The following RIGI variants were observed in gnomAD, a reference collection of about 807,000 sequenced individuals.
The protein encoded by RIGI is antiviral innate immune response receptor RIG-I.
chr9:32,506,185 T>G, the RIGI span, among the ~76,000 whole-genome samples: 3 of 152,198 alleles, frequency 2.0e-5, no homozygotes, highest in Non-Finnish European at 4.4e-5. Context: ...GCCACTGCAC[T>G]CCAGCATAGG....
the RIGI span, among the ~76,000 whole-genome samples, chr9:32,499,311 G>GTTTTTTTTTTTTTTTTTTTTT: frequency 1.2e-5 from 1 of 81,122 alleles, no homozygotes; most frequent in South Asian, 4.0e-4. Flanking sequence ...CAGAGTTTGT[G>GTTTTTTTTTTTTTTTTTTTTT]ATTTGTTTTT....
At chr9:32,488,643 T>C in the RIGI span, 1 of 1,313,032 alleles carries the variant, frequency 7.6e-7, no homozygotes, top group Non-Finnish European at 1.0e-6. Context: ...CTAATATAAA[T>C]TTTTTTAAAT....
the RIGI span, chr9:32,485,104 A>G: frequency 3.4e-6 from 4 of 1,182,616 alleles, no homozygotes; most frequent in Non-Finnish European, 3.6e-6. Context: ...AGGAGAACAC[A>G]AAAAGACGAT....
At chr9:32,523,371 G>C in the RIGI span, among the ~76,000 whole-genome samples, 1 of 152,114 alleles carries the variant, frequency 6.6e-6, no homozygotes, top group South Asian at 2.1e-4. Flanking sequence ...ACAATCTGAT[G>C]AACATCTCTT....
the RIGI span, chr9:32,466,170 G>C: frequency 1.0e-6 from 1 of 980,986 alleles, no homozygotes; most frequent in East Asian, 2.5e-5. Flanking sequence ...TATTCACTAA[G>C]TATAAACTTT....
the RIGI span, among the ~76,000 whole-genome samples, chr9:32,465,385 T>C: frequency 6.6e-6 from 1 of 152,224 alleles, no homozygotes; most frequent in Non-Finnish European, 1.5e-5. Context: ...TTATGACTTT[T>C]TAAAATTATA....
the RIGI span, chr9:32,492,506 T>TAA: frequency 6.2e-7 from 1 of 1,614,202 alleles, no homozygotes; most frequent in East Asian, 2.2e-5. Context: ...CCAATTTCTC[T>TAA]GCACCTGCCA....
At chr9:32,502,099 A>G in the RIGI span, among the ~76,000 whole-genome samples, 1 of 152,322 alleles carries the variant, frequency 6.6e-6, no homozygotes, top group Non-Finnish European at 1.5e-5. Flanking sequence ...CACATTTCAT[A>G]TTAATGGAAT....
At chr9:32,526,006 G>A in the RIGI span, 27 of 1,362,870 alleles carry the variant, frequency 2.0e-5, no homozygotes, top group Non-Finnish European at 2.5e-5. Context: ...CGAAGCAAGA[G>A]AAAAACAAGT....
At chr9:32,470,425 G>T in the RIGI span, among the ~76,000 whole-genome samples, 1 of 152,184 alleles carries the variant, frequency 6.6e-6, no homozygotes, top group African/African-American at 2.4e-5. Flanking sequence ...TACATGAATG[G>T]TCATGACTGT....
chr9:32,457,490 A>G, the RIGI span: 1 of 1,254,740 alleles, frequency 8.0e-7, no homozygotes, highest in African/African-American at 1.7e-5. Context: ...ATTTAAAAAA[A>G]AAAAAAAGAA....
the RIGI span, chr9:32,489,540 C>CTG: frequency 5.1e-5 from 34 of 663,418 alleles, no homozygotes; most frequent in Non-Finnish European, 7.2e-5. Context: ...CAAATTCTGA[C>CTG]TCCAGCAAGA....
chr9:32,466,259 G>C, the RIGI span: 3 of 1,609,152 alleles, frequency 1.9e-6, no homozygotes, highest in Admixed American at 1.7e-5. Flanking sequence ...GTTATTTATG[G>C]TCAGATGCTG....
At chr9:32,520,753 C>A in the RIGI span, among the ~76,000 whole-genome samples, 1 of 152,090 alleles carries the variant, frequency 6.6e-6, no homozygotes, top group African/African-American at 2.4e-5. Context: ...ACAGGGTTTT[C>A]TTGGAGCATT....
the RIGI span, among the ~76,000 whole-genome samples, chr9:32,508,114 A>T: frequency 6.6e-6 from 1 of 152,042 alleles, no homozygotes; most frequent in Non-Finnish European, 1.5e-5. Flanking sequence ...CTACAGAAGC[A>T]AGTGGAAAAT....
chr9:32,479,770 G>A, the RIGI span, among the ~76,000 whole-genome samples: 1 of 151,002 alleles, frequency 6.6e-6, no homozygotes, highest in Non-Finnish European at 1.5e-5. Context: ...CCGGGAGGCA[G>A]AGGTTGCAGT....
chr9:32,480,242 T>C, the RIGI span: 7 of 1,608,086 alleles, frequency 4.4e-6, no homozygotes, highest in Non-Finnish European at 4.3e-6. Flanking sequence ...AGTAAGATCT[T>C]GCTCAATCTC....
chr9:32,469,558 TCTATGGTAGACC>T, the RIGI span, among the ~76,000 whole-genome samples: 1 of 152,204 alleles, frequency 6.6e-6, no homozygotes, highest in African/African-American at 2.4e-5. Flanking sequence ...AACTGCGGGT[TCTATGGTAGACC>T]CAATTATCCC....
chr9:32,475,329 T>C, the RIGI span, among the ~76,000 whole-genome samples: 5 of 151,828 alleles, frequency 3.3e-5, no homozygotes, highest in South Asian at 2.1e-4. Context: ...AAAATGTATA[T>C]AGAAAGGCAA....
Sources: gnomAD v4.1 joint callset for allele counts (sites outside exome capture counted in the v4.1 genomes callset) on GRCh38, gnomAD v4.1.1 for gene constraint, MANE v1.5 for transcripts, NCBI Gene and HGNC (gene_info 2026-07-23, HGNC 2026-07-21) for gene names.